HTN1: variants seen among roughly 807,000 people sequenced by gnomAD.
The protein encoded by HTN1 is histatin 1.
HTN1 carries 18 observed loss-of-function variants against 11.2 expected under a neutral mutation model. The observed-to-expected ratio is 1.61, with a 90% confidence interval of 1.12 to 2.39. The LOEUF is 2.39. HTN1 is among the 30% of genes most tolerant of loss of function. The pLI is 0.00. For missense variants in HTN1, 80 were observed against 67.2 expected (o/e 1.19, Z -0.67); for synonymous variants, 21 against 20.5 (o/e 1.02, Z -0.07).
chr4:70,050,976 C>T (rs572192857), intron 1 of HTN1, among the ~76,000 whole-genome samples: 29 of 152,166 alleles, frequency 1.9e-4, no homozygotes, highest in African/African-American at 6.3e-4. Flanking sequence ...ATCTCAATTC[C>T]TATGAATTAA....
intron 2 of HTN1, among the ~76,000 whole-genome samples, 196 bp downstream of exon 2, chr4:70,053,323 C>G (rs1014404782): frequency 6.6e-6 from 1 of 152,056 alleles, no homozygotes; most frequent in African/African-American, 2.4e-5. Context: ...TCATCACATA[C>G]CTACAAACAC....
chr4:70,058,131 G>A (rs377747334), intron 5 of HTN1: 1 of 152,044 alleles, frequency 6.6e-6, no homozygotes, highest in African/African-American at 2.4e-5. Flanking sequence ...AGTTCAAAAG[G>A]TGTCAAATAT....
At chr4:70,054,265 A>T in intron 2 of HTN1, 57 bp from the exon 3 acceptor site, 2 of 1,077,364 alleles carry the variant, frequency 1.9e-6, no homozygotes, top group Non-Finnish European at 2.7e-6. Context: ...ATTTATACTT[A>T]CTCTTGAATT....
chr4:70,050,457 C>T lies in HTN1; in HGVS notation c.-52C>T, dbSNP rs1158142830. 6.6e-6 allele frequency: 1 copy of T among 152,166 alleles called. No homozygotes were observed. The highest frequency in any genetic ancestry group is 1.5e-5 in the Non-Finnish European group (1 of 68,032). 9.4% of individuals were successfully genotyped at this position (152,166 alleles called of 1,614,324 possible). On this transcript the variant is annotated 5_prime_UTR_variant, in exon 1 of 6. Coordinates refer to ENST00000246896, the MANE Select transcript of HTN1 (RefSeq NM_002159.4). Reference sequence around the variant, plus strand: ...AAGGACATCTCTTGAGACTTCACTTCAGCTTCACTGACTTCTTGACTCTCC... The same window carrying T: ...AAGGACATCTCTTGAGACTTCACTTTAGCTTCACTGACTTCTTGACTCTCC...
chr4:70,055,031 AATGG>A (rs1467772094), intron 4 of HTN1, among the ~76,000 whole-genome samples: 1 of 152,066 alleles, frequency 6.6e-6, no homozygotes, highest in Non-Finnish European at 1.5e-5. Flanking sequence ...GATGCATAAA[AATGG>A]ATGAAGACTG....
intron 5 of HTN1, chr4:70,057,124 A>C (rs1560436770): frequency 6.6e-6 from 1 of 152,212 alleles, no homozygotes; most frequent in African/African-American, 2.4e-5. Context: ...TAGCAAAGAC[A>C]TGGAACCAAC....
At chr4:70,052,738 C>T (rs1725924378) in intron 1 of HTN1, 1 of 199,850 alleles carries the variant, frequency 5.0e-6, no homozygotes, top group Non-Finnish European at 1.0e-5. Flanking sequence ...ATTCCTAGAG[C>T]CCAGGAGTTT....
intron 1 of HTN1, among the ~76,000 whole-genome samples, chr4:70,052,565 TC>T (rs1178220914): frequency 6.6e-6 from 1 of 152,124 alleles, no homozygotes; most frequent in Non-Finnish European, 1.5e-5. Context: ...TTCATTACCT[TC>T]TTACTCCCAT....
chr4:70,053,946 C>A (rs1212559296), intron 2 of HTN1, among the ~76,000 whole-genome samples: 3 of 152,094 alleles, frequency 2.0e-5, no homozygotes, highest in Non-Finnish European at 2.9e-5. Flanking sequence ...TAATGCCTGT[C>A]TCTATCAGCA....
intron 1 of HTN1, 59 bp downstream of exon 1, chr4:70,050,554 A>G (rs1169608476): frequency 1.3e-5 from 2 of 152,170 alleles, no homozygotes; most frequent in African/African-American, 4.8e-5. Flanking sequence ...GTTTGCTAAA[A>G]TCAATAGTAA....
chr4:70,052,973 A>T, intron 1 of HTN1, 91 bp from the exon 2 acceptor site: 3 of 792,026 alleles, frequency 3.8e-6, no homozygotes, highest in Non-Finnish European at 6.6e-6. Flanking sequence ...CATGTCTCCC[A>T]ATGCTTTGAA....
chr4:70,055,629 T>C, intron 5 of HTN1, 27 bp downstream of exon 5: 1 of 1,027,450 alleles, frequency 9.7e-7, no homozygotes, highest in South Asian at 1.3e-5. Context: ...TGCTTGTCTT[T>C]CTAGAAGTGT....
intron 2 of HTN1, among the ~76,000 whole-genome samples, chr4:70,054,066 G>A (rs1578183674): frequency 6.6e-6 from 1 of 152,040 alleles, no homozygotes; most frequent in African/African-American, 2.4e-5. Context: ...ACCAGTGACA[G>A]ACTTTTCCTG....
rs190665797 is a variant in HTN1 at position 70,057,228 on chromosome 4, C to A, written c.*34-1352C>A. 4 of 152,312 alleles carry A rather than the reference C, an allele frequency of 2.6e-5. No individual in the cohort carries two copies. The East Asian group carries it at 7.7e-4, about 29-fold the overall frequency. 9.4% of individuals were successfully genotyped at this position (152,312 alleles called of 1,614,324 possible). ...GCCATACAAAGGAATGAGATCCTGT[C>A]CTTTGCAGGGACATGGATGAAGCTG... On this transcript the variant is annotated intron_variant, in intron 5 of 5. Transcript: ENST00000246896.
chr4:70,058,148 A>G (rs1413922761), intron 5 of HTN1: 1 of 152,126 alleles, frequency 6.6e-6, no homozygotes, highest in African/African-American at 2.4e-5. Context: ...ATATTTTTTA[A>G]TGTATTGGGA....
At chr4:70,055,410 C>G (rs542097009) in intron 4 of HTN1, 88 bp from the exon 5 acceptor site, 2 of 933,696 alleles carry the variant, frequency 2.1e-6, no homozygotes, top group South Asian at 1.4e-5. Flanking sequence ...CTTTAGCAAT[C>G]TAAGCTTTTA....
chr4:70,054,835 TAC>T (rs1407559021), intron 4 of HTN1, among the ~76,000 whole-genome samples: 1 of 152,060 alleles, frequency 6.6e-6, no homozygotes, highest in Non-Finnish European at 1.5e-5. Context: ...TTGAGGATGA[TAC>T]AGTCTTTAAA....
In HTN1 at chr4:70,055,377, G is replaced by C. The variant is rs556373181; in HGVS notation, c.103-121G>C. The C allele has an allele frequency of 7.9e-5, 56 of 709,822 alleles. No homozygotes were observed. In the African/African-American group the frequency reaches 9.3e-4, roughly 12 times the overall value. 44.0% of individuals were successfully genotyped at this position (709,822 alleles called of 1,614,324 possible). On this transcript the variant is annotated intron_variant, in intron 4 of 5. Coordinates refer to ENST00000246896, the MANE Select transcript of HTN1 (RefSeq NM_002159.4). The stretch of plus-strand genomic sequence containing the variant: ...GTAAAAGTTTGAAAACATTTATGTA[G>C]ATAAAATACAAGGTCTTAACAACTT...
At chr4:70,054,063 A>T (rs990293857) in intron 2 of HTN1, among the ~76,000 whole-genome samples, 1 of 152,108 alleles carries the variant, frequency 6.6e-6, no homozygotes, top group Non-Finnish European at 1.5e-5. Flanking sequence ...TTCACCAGTG[A>T]CAGACTTTTC....
Sources: allele counts gnomAD v4.1 joint callset (sites outside exome capture counted in the v4.1 genomes callset), GRCh38; gene constraint gnomAD v4.1.1; transcripts MANE v1.5; gene names NCBI Gene and HGNC (gene_info 2026-07-23, HGNC 2026-07-21).